COL4A4: variants seen among roughly 807,000 people sequenced by gnomAD.
The protein encoded by COL4A4 is collagen alpha-4(IV) chain.
Under a neutral mutation model 192.9 loss-of-function variants are expected in COL4A4, and 105 were observed. That is an observed-to-expected ratio of 0.54 (90% CI 0.46 to 0.64). The LOEUF (loss-of-function observed/expected upper bound fraction) is 0.64, where lower values mean the gene tolerates loss of function less well. Among genes scored for constraint, COL4A4 ranks in the 30% least tolerant of loss-of-function variants. The pLI is 0.00. For missense variants in COL4A4, 1,967 were observed against 2,169.3 expected (o/e 0.91, Z 1.85); for synonymous variants, 762 against 769.9 (o/e 0.99, Z 0.17).
At chr2:227,120,469 G>GT (rs1304651160) in intron 5 of COL4A4, among the ~76,000 whole-genome samples, 1 of 152,120 alleles carries the variant, frequency 6.6e-6, no homozygotes, top group Non-Finnish European at 1.5e-5. Context: ...TGTCATGTAG[G>GT]TTTTTTAAAA....
intron 1 of COL4A4, among the ~76,000 whole-genome samples, chr2:227,159,004 T>C (rs1462691377): frequency 6.6e-6 from 1 of 152,178 alleles, no homozygotes; most frequent in Admixed American, 6.5e-5. Flanking sequence ...AAAAGACTTG[T>C]AGAAAAATAT....
Position 227,090,054 on chromosome 2 carries a change from C to A in COL4A4, c.1370-97G>T, listed in dbSNP as rs189914585. On this transcript the variant is annotated intron_variant, in intron 20 of 47. Coordinates refer to ENST00000396625, the MANE Select transcript of COL4A4 (RefSeq NM_000092.5). ...ACTTTTGCACTCACATCCTCCCCCA[C>A]GTGCTTCCTTTCCCAACCCCATTCT... 4.9e-4 allele frequency: 442 copies of A among 901,098 alleles called. 2 individuals carry two copies. The African/African-American group carries it at 5.8e-3, about 12-fold the overall frequency. The allele number at this position is 901,098 out of a possible 1,614,324, so 55.8% of individuals were successfully genotyped here.
At chr2:227,011,013 G>A (rs779722548) in intron 45 of COL4A4, among the ~76,000 whole-genome samples, 1 of 152,110 alleles carries the variant, frequency 6.6e-6, no homozygotes, top group Non-Finnish European at 1.5e-5. Context: ...CCAAAGGCTT[G>A]GGATCCACAT....
chr2:227,144,638 A>T, intron 2 of COL4A4, 80 bp from the exon 3 acceptor site: 1 of 1,194,192 alleles, frequency 8.4e-7, no homozygotes, highest in Admixed American at 1.7e-5. Context: ...AAAGGAATTA[A>T]TTCCAGAAAG....
chr2:226,995,808 C>T, the COL4A4 span: 1 of 413,718 alleles, frequency 2.4e-6, no homozygotes, highest in Non-Finnish European at 4.3e-6. Flanking sequence ...CTCAGCGATG[C>T]CTCTGCCTCG....
intron 1 of COL4A4, among the ~76,000 whole-genome samples, chr2:227,159,785 T>C (rs1215703270): frequency 6.6e-6 from 1 of 152,232 alleles, no homozygotes; most frequent in Non-Finnish European, 1.5e-5. Context: ...TCCCCAGCCA[T>C]GCAGAATTGT....
chr2:227,068,874 A>G (rs2058525049), intron 25 of COL4A4, among the ~76,000 whole-genome samples: 1 of 150,198 alleles, frequency 6.7e-6, no homozygotes. Flanking sequence ...CAGGGCAATT[A>G]GGCAGGAGAA....
Position 227,147,552 on chromosome 2 carries a change from G to A in COL4A4, c.-69C>T, listed in dbSNP as rs2063629154. 1 of 1,362,022 alleles carries A rather than the reference G, an allele frequency of 7.3e-7. No individual in the cohort carries two copies. Among genetic ancestry groups the A allele is most frequent in the Non-Finnish European group, 1.0e-6 (1 of 955,912 alleles). 84.4% of individuals were successfully genotyped at this position (1,362,022 alleles called of 1,614,324 possible). ...TCTTCCAGAAGGTTCTTGTTGACAA[G>A]TGAGGTTCTGTGTTCTGGGTCAAAG... On this transcript the variant is annotated 5_prime_UTR_variant, in exon 2 of 48. Transcript: ENST00000396625.
chr2:227,152,974 T>C (rs1022660185), intron 1 of COL4A4, among the ~76,000 whole-genome samples: 2 of 152,222 alleles, frequency 1.3e-5, no homozygotes, highest in East Asian at 3.8e-4. Context: ...AAGGGGTTAA[T>C]TGACTCACAG....
At chr2:226,974,759 A>G in the COL4A4 span, among the ~76,000 whole-genome samples, 4 of 152,310 alleles carry the variant, frequency 2.6e-5, no homozygotes, top group Admixed American at 1.3e-4. Context: ...TACTCCCTGC[A>G]GGCTGAGAGT....
chr2:227,089,340 T>A (rs62226770), intron 21 of COL4A4, among the ~76,000 whole-genome samples: 12,293 of 151,736 alleles, frequency 0.081, 509 homozygotes, highest in East Asian at 0.18. Flanking sequence ...TAAACAAATG[T>A]CTTCAGGGTA....
intron 8 of COL4A4, among the ~76,000 whole-genome samples, chr2:227,112,589 G>C (rs2061276522): frequency 6.6e-6 from 1 of 152,126 alleles, no homozygotes; most frequent in South Asian, 2.1e-4. Flanking sequence ...ATTTTTAAGT[G>C]TACAGGTAGT....
At chr2:227,143,536 GA>G (rs2063356178) in intron 3 of COL4A4, among the ~76,000 whole-genome samples, 1 of 152,166 alleles carries the variant, frequency 6.6e-6, no homozygotes, top group South Asian at 2.1e-4. Flanking sequence ...TCCTGGGATA[GA>G]AAAATCTTTG....
intron 31 of COL4A4, among the ~76,000 whole-genome samples, chr2:227,053,500 C>G (rs961823968): frequency 6.0e-4 from 89 of 149,426 alleles, no homozygotes; most frequent in Admixed American, 5.3e-4. Context: ...CCATTGGTCT[C>G]AAAACTTATT....
chr2:226,995,433 A>C, the COL4A4 span: 2 of 1,605,006 alleles, frequency 1.2e-6, no homozygotes, highest in Admixed American at 1.7e-5. Flanking sequence ...CACTACAGGA[A>C]ATACCAGAAA....
At chr2:227,104,623 T>TA in intron 12 of COL4A4, among the ~76,000 whole-genome samples, 1 of 145,774 alleles carries the variant, frequency 6.9e-6, no homozygotes, top group Non-Finnish European at 1.5e-5. Context: ...TATCCAGAAG[T>TA]AATCTCTATT....
chr2:227,090,058 C>T, intron 20 of COL4A4, 101 bp from the exon 21 acceptor site: 3 of 850,294 alleles, frequency 3.5e-6, no homozygotes, highest in Non-Finnish European at 5.7e-6. Context: ...CCCCCACGTG[C>T]TTCCTTTCCC....
chr2:227,047,669 T>G, intron 34 of COL4A4, 120 bp from the exon 35 acceptor site: 1 of 689,940 alleles, frequency 1.4e-6, no homozygotes, highest in Non-Finnish European at 2.6e-6. Context: ...GAGAGTGTTT[T>G]TAAATACTTT....
intron 4 of COL4A4, among the ~76,000 whole-genome samples, chr2:227,130,679 C>T (rs1183503073): frequency 6.6e-6 from 1 of 152,224 alleles, no homozygotes; most frequent in Non-Finnish European, 1.5e-5. Context: ...CGTGTCCCTC[C>T]CTAACCCAGA....
Sources: allele counts gnomAD v4.1 joint callset (sites outside exome capture counted in the v4.1 genomes callset), GRCh38; gene constraint gnomAD v4.1.1; transcripts MANE v1.5; gene names NCBI Gene and HGNC (gene_info 2026-07-23, HGNC 2026-07-21).